Variants in PCOLCE2 observed in about 807,000 individuals in gnomAD.
PCOLCE2 encodes the protein procollagen C-endopeptidase enhancer 2.
Under a neutral mutation model 47.0 loss-of-function variants are expected in PCOLCE2, and 42 were observed. The ratio of observed to expected loss-of-function variants is 0.89; its 90% CI spans 0.70 to 1.16. The LOEUF is 1.16. Among genes scored for constraint, PCOLCE2 ranks in the 50% most tolerant of loss-of-function variants. The pLI, the probability that PCOLCE2 is intolerant of heterozygous loss-of-function variation, is 0.00. For synonymous variants in PCOLCE2, 169 were observed against 191.7 expected (o/e 0.88, Z 0.98); for missense variants, 500 against 526.1 (o/e 0.95, Z 0.49).
chr3:142,849,419 C>T (rs1260784739), intron 2 of PCOLCE2, among the ~76,000 whole-genome samples: 1 of 152,082 alleles, frequency 6.6e-6, no homozygotes, highest in Non-Finnish European at 1.5e-5. Flanking sequence ...TGTCAGGAAG[C>T]CTTGAGACAC....
intron 2 of PCOLCE2, among the ~76,000 whole-genome samples, chr3:142,857,556 TA>T (rs1933085766): frequency 6.6e-6 from 1 of 151,900 alleles, no homozygotes; most frequent in South Asian, 2.1e-4. Context: ...AAAATGACTA[TA>T]AAAAAGGGAA....
intron 6 of PCOLCE2, among the ~76,000 whole-genome samples, chr3:142,824,591 T>C (rs1212017256): frequency 2.0e-5 from 3 of 152,194 alleles, no homozygotes; most frequent in Non-Finnish European, 4.4e-5. Context: ...AGTTGTAATA[T>C]TGCTCTTCCA....
At chr3:142,879,010 A>G (rs1933554239) in intron 2 of PCOLCE2, among the ~76,000 whole-genome samples, 1 of 152,190 alleles carries the variant, frequency 6.6e-6, no homozygotes, top group African/African-American at 2.4e-5. Flanking sequence ...TACAATTCTT[A>G]TTTGCCATAA....
chr3:142,888,446 G>GA (rs149015303), intron 1 of PCOLCE2, among the ~76,000 whole-genome samples: 3 of 151,930 alleles, frequency 2.0e-5, no homozygotes, highest in Admixed American at 6.5e-5. Flanking sequence ...CTCGGGGAAG[G>GA]AAAAAAAACA....
chr3:142,820,093 T>C (rs943901352), intron 8 of PCOLCE2, among the ~76,000 whole-genome samples: 3 of 150,908 alleles, frequency 2.0e-5, no homozygotes, highest in Non-Finnish European at 4.4e-5. Flanking sequence ...AGAAACTTTC[T>C]GGAAGGAACT....
At chr3:142,840,284 A>G (rs1937251304) in intron 4 of PCOLCE2, among the ~76,000 whole-genome samples, 1 of 152,200 alleles carries the variant, frequency 6.6e-6, no homozygotes, top group Admixed American at 6.5e-5. Flanking sequence ...TAAATTATTC[A>G]CGTGAATAGA....
chr3:142,868,659 C>T (rs1349348539), intron 2 of PCOLCE2, among the ~76,000 whole-genome samples: 1 of 152,130 alleles, frequency 6.6e-6, no homozygotes, highest in Non-Finnish European at 1.5e-5. Context: ...AGCACTCACA[C>T]CGTCACTCTC....
chr3:142,879,613 T>G (rs935103685), intron 2 of PCOLCE2, among the ~76,000 whole-genome samples: 10 of 152,190 alleles, frequency 6.6e-5, no homozygotes, highest in African/African-American at 2.2e-4. Context: ...TAATGAAAAC[T>G]TTTTAATTTT....
At chr3:142,869,303 C>CA (rs1168988095) in intron 2 of PCOLCE2, among the ~76,000 whole-genome samples, 22 of 150,348 alleles carry the variant, frequency 1.5e-4, no homozygotes, top group Non-Finnish European at 1.2e-4. Flanking sequence ...AAAAAAAAAC[C>CA]AAAAAAAACA....
chr3:142,850,089 A>C (rs974159228), intron 2 of PCOLCE2, among the ~76,000 whole-genome samples: 4 of 152,246 alleles, frequency 2.6e-5, no homozygotes, highest in Non-Finnish European at 2.9e-5. Context: ...GAACAGCTTA[A>C]GAAGCTAATA....
intron 2 of PCOLCE2, among the ~76,000 whole-genome samples, chr3:142,859,092 T>TGTCGCCCAGGC (rs1933129099): frequency 1.3e-5 from 2 of 151,818 alleles, no homozygotes; most frequent in Non-Finnish European, 2.9e-5. Context: ...AGACAGAGTC[T>TGTCGCCCAGGC]GACTCTGTCG....
chr3:142,844,680 C>G (rs576359748), intron 3 of PCOLCE2, among the ~76,000 whole-genome samples: 62 of 152,198 alleles, frequency 4.1e-4, no homozygotes, highest in Admixed American at 1.9e-3. Flanking sequence ...CACTTATTGG[C>G]CATTCATATT....
chr3:142,827,369 C>T (rs991553180), intron 6 of PCOLCE2: 1 of 1,537,178 alleles, frequency 6.5e-7, no homozygotes, highest in Non-Finnish European at 9.0e-7. Context: ...AGCCACCACA[C>T]CAACCACAGC....
chr3:142,856,662 C>T (rs1214011993), intron 2 of PCOLCE2, among the ~76,000 whole-genome samples: 1 of 152,186 alleles, frequency 6.6e-6, no homozygotes, highest in Admixed American at 6.5e-5. Context: ...GACAGGCAAT[C>T]GTGCCAAGAG....
intron 6 of PCOLCE2, among the ~76,000 whole-genome samples, chr3:142,829,232 A>C (rs1937118882): frequency 2.1e-5 from 1 of 47,056 alleles, no homozygotes; most frequent in South Asian, 4.3e-4. Flanking sequence ...ATTTGAAAAT[A>C]AATAAATAAA....
chr3:142,854,014 G>C (rs1399479737), intron 2 of PCOLCE2, among the ~76,000 whole-genome samples: 1 of 152,170 alleles, frequency 6.6e-6, no homozygotes, highest in Non-Finnish European at 1.5e-5. Flanking sequence ...CCTGCCAGAG[G>C]ACAGAGGAAC....
chr3:142,882,438 G>C (rs77989431), intron 2 of PCOLCE2, among the ~76,000 whole-genome samples: 198 of 152,164 alleles, frequency 1.3e-3, no homozygotes, highest in African/African-American at 4.6e-3. Context: ...ATTTTTCTCA[G>C]GCTAGATTTA....
chr3:142,888,873 C>A lies in PCOLCE2; in HGVS notation c.24G>T (p.Ala8=). The A allele has an allele frequency of 6.5e-7, 1 of 1,537,932 alleles. No individual in the cohort carries two copies. The highest frequency in any genetic ancestry group is 8.7e-7 in the Non-Finnish European group (1 of 1,145,106). MRGANAW[A]PLCLLLAAAT... The stretch of plus-strand genomic sequence containing the variant: ...CGGCAGCCAGCAGCAGGCAGAGTGG[C>A]GCCCAGGCGTTCGCGCCCCTCATGG... The change falls in exon 1 of 9, where the codon GCG becomes GCT. Residue 8 remains alanine, a synonymous_variant. Transcript: ENST00000295992.
chr3:142,837,811 A>G (rs935861826), intron 5 of PCOLCE2, among the ~76,000 whole-genome samples: 4 of 152,238 alleles, frequency 2.6e-5, no homozygotes, highest in African/African-American at 9.6e-5. Flanking sequence ...AACTTGCTCA[A>G]TGTCACACAG....
Sources: allele counts gnomAD v4.1 joint callset (sites outside exome capture counted in the v4.1 genomes callset), GRCh38; gene constraint gnomAD v4.1.1; transcripts MANE v1.5; gene names NCBI Gene and HGNC (gene_info 2026-07-23, HGNC 2026-07-21).